Variants in PCDHGB7 observed in about 807,000 individuals in gnomAD.
PCDHGB7 encodes the protein protocadherin gamma subfamily B, 7, also known as protocadherin gamma-B7.
Under a neutral mutation model 61.4 loss-of-function variants are expected in PCDHGB7, and 37 were observed. The ratio of observed to expected loss-of-function variants is 0.60; its 90% CI spans 0.46 to 0.79. The LOEUF is 0.79. PCDHGB7 is among the 30% of genes least tolerant of loss of function. The pLI, the probability that PCDHGB7 is intolerant of heterozygous loss-of-function variation, is 0.00. For missense variants in PCDHGB7, 1,166 were observed against 1,202.5 expected, an observed-to-expected ratio of 0.97 and a Z score of 0.45; for synonymous variants, 464 against 503.5, an observed-to-expected ratio of 0.92 and a Z score of 1.05.
chr5:141,449,475 C>T (rs1351574160), intron 1 of PCDHGB7, among the ~76,000 whole-genome samples: 8 of 150,696 alleles, frequency 5.3e-5, no homozygotes, highest in African/African-American at 1.9e-4. Flanking sequence ...GGCCTGGTAC[C>T]CCATGCCTAA....
intron 1 of PCDHGB7, among the ~76,000 whole-genome samples, chr5:141,425,922 A>G (rs1485934946): frequency 6.6e-6 from 1 of 152,240 alleles, no homozygotes; most frequent in Non-Finnish European, 1.5e-5. Context: ...TCACTACGAA[A>G]ACTCATAAAA....
At chr5:141,426,844 A>C (rs1397752566) in intron 1 of PCDHGB7, 1 of 456,628 alleles carries the variant, frequency 2.2e-6, no homozygotes, top group Non-Finnish European at 4.4e-6. Context: ...ACTAAAGGCA[A>C]GAACGCTCCA....
intron 1 of PCDHGB7, among the ~76,000 whole-genome samples, chr5:141,455,460 A>G (rs1175234914): frequency 1.3e-5 from 2 of 152,186 alleles, no homozygotes; most frequent in Non-Finnish European, 2.9e-5. Flanking sequence ...GATACCAGCC[A>G]GGTATATATG....
chr5:141,481,348 T>C (rs2099536105), intron 1 of PCDHGB7, among the ~76,000 whole-genome samples: 1 of 152,250 alleles, frequency 6.6e-6, no homozygotes, highest in Non-Finnish European at 1.5e-5. Flanking sequence ...TATTTAAACA[T>C]CTACAGCTGT....
intron 1 of PCDHGB7, chr5:141,422,075 G>A (rs1192481253): frequency 1.9e-6 from 3 of 1,612,092 alleles, no homozygotes; most frequent in East Asian, 2.2e-5. Flanking sequence ...TATTCATTTC[G>A]GAACATGGAA....
At position 141,419,726 on chromosome 5, in the gene PCDHGB7, A is replaced by AC. The variant is rs757890106; in HGVS notation, c.1868dup (p.Gly624ArgfsTer11). On this transcript the variant is annotated frameshift_variant, in exon 1 of 4. Coordinates refer to ENST00000398594, the MANE Select transcript of PCDHGB7 (RefSeq NM_018927.4). LOFTEE classifies it high-confidence loss of function. ...CGGGCTCTTCAGCCTGGGGCTGCGA[A>AC]CAGGCGAGGTGCGCATGGTGCGTGC... 3.1e-6 allele frequency: 5 copies of AC among 1,613,402 alleles called. No individual in the cohort carries two copies. The Admixed American group carries it at 8.3e-5, about 27-fold the overall frequency.
chr5:141,457,574 T>C (rs992522039), intron 1 of PCDHGB7, among the ~76,000 whole-genome samples: 2 of 152,238 alleles, frequency 1.3e-5, no homozygotes, highest in Non-Finnish European at 2.9e-5. Context: ...AAAATTTTTC[T>C]CTCCAGTCCT....
chr5:141,474,011 A>T (rs910186122), intron 1 of PCDHGB7, among the ~76,000 whole-genome samples: 2 of 152,112 alleles, frequency 1.3e-5, no homozygotes, highest in Non-Finnish European at 2.9e-5. Flanking sequence ...TGGAAGTTAC[A>T]GTGAGCTATG....
Position 141,418,737 on chromosome 5 carries a change from C to T in PCDHGB7, c.878C>T (p.Ser293Phe), listed in dbSNP as rs768683069. 7.4e-6 allele frequency: 12 copies of T among 1,613,960 alleles called. No homozygotes were observed. The South Asian group carries it at 1.3e-4, about 18-fold the overall frequency. ...GCTGACAAAGCTCAGCACGTGTTCT[C>T]TCTGGATTACACTACAGGAAACATT... The part of the protein sequence containing the change: ...GVADKAQHVF[S>F]LDYTTGNILT... Residue 293 changes from serine to phenylalanine, a missense_variant, in exon 1 of 4, where the codon TCT becomes TTT. Coordinates refer to ENST00000398594, the MANE Select transcript of PCDHGB7 (RefSeq NM_018927.4).
rs567522277 is a variant in PCDHGB7, at chr5:141,485,131, A to G, written c.2416-9676A>G. 1.3e-6 allele frequency: 2 copies of G among 1,482,660 alleles called. No individual in the cohort carries two copies. The highest frequency in any genetic ancestry group is 1.2e-5 in the South Asian group (1 of 83,730). 91.8% of individuals were successfully genotyped at this position (1,482,660 alleles called of 1,614,324 possible). ...TGGCTGTTTGGGGCGGGTCGGCTTC[A>G]TCCGCGTCTCAGGAGCAAGTAGAGA... On this transcript the variant is annotated intron_variant, in intron 1 of 3. Transcript: ENST00000398594. The surrounding 1 kb of genome is among the most constrained non-coding windows in gnomAD (Gnocchi z 5.7).
In PCDHGB7 at chr5:141,431,878, C is replaced by T. The variant is rs2097425306; in HGVS notation, c.2415+11604C>T. The T allele has an allele frequency of 1.2e-6, 2 of 1,614,054 alleles. No individual in the cohort carries two copies. The highest frequency in any genetic ancestry group is 1.7e-5 in the Admixed American group (1 of 60,010). ...TAATTGCCCTTTTAAATGTAAATGACCAAGATTCTGAGGAAAACGGACAGG... is the reference window on the plus strand; with the variant it reads ...TAATTGCCCTTTTAAATGTAAATGATCAAGATTCTGAGGAAAACGGACAGG... On this transcript the variant is annotated intron_variant, in intron 1 of 3. Transcript: ENST00000398594. The surrounding 1 kb of genome is among the most constrained non-coding windows in gnomAD (Gnocchi z 4.8).
Position 141,476,383 on chromosome 5 carries a change from C to T in PCDHGB7, c.2416-18424C>T, listed in dbSNP as rs547854431. The T allele has an allele frequency of 6.2e-7, 1 of 1,613,984 alleles. No homozygotes were observed. The highest frequency in any genetic ancestry group is 8.5e-7 in the Non-Finnish European group (1 of 1,180,044). On this transcript the variant is annotated intron_variant, in intron 1 of 3. Coordinates refer to ENST00000398594, the MANE Select transcript of PCDHGB7 (RefSeq NM_018927.4). This position sits in a 1 kb window ranked among gnomAD's most constrained non-coding sequence, Gnocchi z 7.6. ...GGGAGACCGGAGAGATGTTTGTGAA[C>T]GACCGTCTGGATCGAGAGGAGCTGT...
intron 2 of PCDHGB7, among the ~76,000 whole-genome samples, chr5:141,503,292 A>T (rs7710319): frequency 0.52 from 78,681 of 151,966 alleles, 21,044 homozygotes; most frequent in African/African-American, 0.62. Flanking sequence ...TGGTACATAG[A>T]AATTGCTCAA....
chr5:141,505,072 G>A (rs1374916789), intron 2 of PCDHGB7, among the ~76,000 whole-genome samples: 1 of 152,228 alleles, frequency 6.6e-6, no homozygotes. Context: ...TGAGGCAGGA[G>A]AATCGCTTGA....
intron 1 of PCDHGB7, among the ~76,000 whole-genome samples, chr5:141,470,600 G>A (rs890975756): frequency 4.6e-5 from 7 of 152,142 alleles, no homozygotes; most frequent in South Asian, 2.1e-4. Context: ...CGACCTGTGC[G>A]GGGACACAGG....
At position 141,419,228 on chromosome 5, in the gene PCDHGB7, T is replaced by G. The variant is rs761014077; in HGVS notation, c.1369T>G (p.Tyr457Asp). The G allele has an allele frequency of 2.5e-6, 4 of 1,613,874 alleles. No individual in the cohort carries two copies. The East Asian group carries it at 8.9e-5, about 36-fold the overall frequency. The change falls in exon 1 of 4, where the codon TAC becomes GAC. Residue 457 changes from tyrosine (Y) to aspartate (D), a missense_variant. Coordinates refer to ENST00000398594, the MANE Select transcript of PCDHGB7 (RefSeq NM_018927.4). Reference sequence around the variant, plus strand: ...CGCGCCGGTTTTCGGACAGTCAGCCTACCTGGTCCACGTGCCAGAAAACAA... The same window carrying G: ...CGCGCCGGTTTTCGGACAGTCAGCCGACCTGGTCCACGTGCCAGAAAACAA... ...DNAPVFGQSA[Y>D]LVHVPENNQP...
intron 1 of PCDHGB7, chr5:141,439,900 A>G (rs562278732): frequency 6.6e-5 from 10 of 152,362 alleles, no homozygotes; most frequent in African/African-American, 2.2e-4. Flanking sequence ...CAAGGCGACT[A>G]CTGCCTCCTT....
chr5:141,510,834 G>T, intron 3 of PCDHGB7, 113 bp from the exon 4 acceptor site: 1 of 1,581,880 alleles, frequency 6.3e-7, no homozygotes. Flanking sequence ...AGTGCTCAGC[G>T]TGGTCAAGGC....
At position 141,498,971 on chromosome 5, in the gene PCDHGB7, G is replaced by GGGAAGGAAGGAA. The variant is rs201769957; in HGVS notation, c.2474+4152_2474+4163dup. On this transcript the variant is annotated intron_variant, in intron 2 of 3. Coordinates refer to ENST00000398594, the MANE Select transcript of PCDHGB7 (RefSeq NM_018927.4). ...AAAAAGAGAGAGAGGGAGGGAGGGA[G>GGGAAGGAAGGAA]GGAAGGAAGGAAGGAAGGAAGGAAG... 6.8e-3 allele frequency among the ~76,000 whole-genome samples: 758 copies of GGGAAGGAAGGAA among 111,036 alleles called. 12 individuals are homozygous for GGGAAGGAAGGAA. Among genetic ancestry groups the GGGAAGGAAGGAA allele is most frequent in the African/African-American group, 0.021 (585 of 27,816 alleles). 72.8% of individuals were successfully genotyped at this position (111,036 alleles called of 152,430 possible). A position where few individuals can be genotyped will look rare whatever the true frequency, so the allele number is the denominator to read the frequency against.
Sources: allele counts gnomAD v4.1 joint callset (sites outside exome capture counted in the v4.1 genomes callset), GRCh38; gene constraint gnomAD v4.1.1; non-coding constraint Gnocchi (gnomAD v3.1); transcripts MANE v1.5; gene names NCBI Gene and HGNC (gene_info 2026-07-23, HGNC 2026-07-21).